Variants in LANCL3 observed in about 807,000 individuals in gnomAD.
The protein encoded by LANCL3 is LanC like family member 3, also known as lanC-like protein 3.
A neutral mutation model predicts 26.5 loss-of-function variants in LANCL3; 19 were observed. That is an observed-to-expected ratio of 0.72 (90% CI 0.50 to 1.05). The LOEUF (loss-of-function observed/expected upper bound fraction) is 1.05, where lower values mean the gene tolerates loss of function less well. Among genes scored for constraint, LANCL3 ranks in the 50% least tolerant of loss-of-function variants. The pLI, the probability that LANCL3 is intolerant of heterozygous loss-of-function variation, is 0.00. For missense variants in LANCL3, 318 were observed against 362.7 expected (o/e 0.88, Z 1.00); for synonymous variants, 160 against 166.6 (o/e 0.96, Z 0.30).
intron 1 of LANCL3, among the ~76,000 whole-genome samples, chrX:37,633,953 C>T (rs1403315744): frequency 8.9e-6 from 1 of 112,326 alleles, no homozygotes; most frequent in Admixed American, 9.3e-5. Context: ...AACCACTGCT[C>T]TCTTCAAAGC....
intron 1 of LANCL3, among the ~76,000 whole-genome samples, chrX:37,652,150 A>T (rs1376658086): frequency 2.7e-5 from 3 of 110,569 alleles, no homozygotes; most frequent in Non-Finnish European, 5.7e-5. Context: ...GTCAGTGCTG[A>T]TGGGGGAGGG....
chrX:37,620,051 G>T (rs1461739269), intron 1 of LANCL3, among the ~76,000 whole-genome samples: 6 of 111,594 alleles, frequency 5.4e-5, no homozygotes, highest in Non-Finnish European at 1.1e-4. Context: ...TAATTTTTTT[G>T]GAAAAATGTA....
chrX:37,616,224 A>G (rs1038153660), intron 1 of LANCL3, among the ~76,000 whole-genome samples: 14 of 109,864 alleles, frequency 1.3e-4, no homozygotes, highest in Middle Eastern at 4.7e-3. Flanking sequence ...TTTTCCAACC[A>G]GATAATGCAT....
intron 1 of LANCL3, among the ~76,000 whole-genome samples, chrX:37,588,285 G>T (rs1439484768): frequency 2.2e-4 from 25 of 111,514 alleles, no homozygotes; most frequent in African/African-American, 7.5e-4. Flanking sequence ...TCCCCACATG[G>T]TAATGGTCTC....
At chrX:37,617,906 G>C (rs1443389610) in intron 1 of LANCL3, among the ~76,000 whole-genome samples, 1 of 111,800 alleles carries the variant, frequency 8.9e-6, no homozygotes, top group African/African-American at 3.3e-5. Flanking sequence ...AAAAAAATCT[G>C]TGGAACCTTT....
chrX:37,590,516 TAC>T (rs1924242262), intron 1 of LANCL3, among the ~76,000 whole-genome samples: 1 of 112,794 alleles, frequency 8.9e-6, no homozygotes. Context: ...CTGTCAGTTT[TAC>T]AAACTTAAAT....
rs200578896 is a variant in LANCL3 at position 37,668,257 on chromosome X, C to CTATATATATATA, written c.1103+776_1103+787dup. On this transcript the variant is annotated intron_variant, in intron 4 of 4. Coordinates refer to ENST00000378619, the MANE Select transcript of LANCL3 (RefSeq NM_001170331.2). The stretch of plus-strand genomic sequence containing the variant: ...AATTTCTAGAAATGAAATTGCTGGA[C>CTATATATATATA]TATATATATATATATATATCCTAGT... The CTATATATATATA allele has an allele frequency of 6.3e-3, 858 of 136,457 alleles. 9 individuals are homozygous for CTATATATATATA. Among genetic ancestry groups the CTATATATATATA allele is most frequent in the African/African-American group, 0.031 (810 of 26,259 alleles). The allele number at this position is 136,457 out of a possible 1,213,427, so 11.2% of individuals were successfully genotyped here. A position where few individuals can be genotyped will look rare whatever the true frequency, so the allele number is the denominator to read the frequency against.
intron 1 of LANCL3, among the ~76,000 whole-genome samples, chrX:37,573,685 A>C (rs1923663878): frequency 8.9e-6 from 1 of 112,264 alleles, no homozygotes; most frequent in Non-Finnish European, 1.9e-5. Flanking sequence ...AGAGATATTT[A>C]CATATCATTT....
chrX:37,633,271 T>G (rs1399520058), intron 1 of LANCL3, among the ~76,000 whole-genome samples: 2 of 111,623 alleles, frequency 1.8e-5, no homozygotes, highest in East Asian at 5.6e-4. Context: ...GCTTCTGCAT[T>G]CTTCACTTAG....
At chrX:37,639,247 A>AGG (rs1556425669) in intron 1 of LANCL3, among the ~76,000 whole-genome samples, 3 of 101,980 alleles carry the variant, frequency 2.9e-5, no homozygotes, top group African/African-American at 7.1e-5. Context: ...CTACATACAT[A>AGG]TACACACATA....
intron 2 of LANCL3, among the ~76,000 whole-genome samples, chrX:37,656,064 T>C (rs1279911232): frequency 8.9e-6 from 1 of 112,071 alleles, no homozygotes; most frequent in Non-Finnish European, 1.9e-5. Flanking sequence ...ATCTTTATTC[T>C]AGATTGTAAG....
At chrX:37,593,269 G>A (rs1224447360) in intron 1 of LANCL3, among the ~76,000 whole-genome samples, 1 of 110,902 alleles carries the variant, frequency 9.0e-6, no homozygotes, top group Non-Finnish European at 1.9e-5. Context: ...TAATACCAAA[G>A]GGAGAAAAAG....
At chrX:37,589,004 G>A (rs1924192686) in intron 1 of LANCL3, among the ~76,000 whole-genome samples, 1 of 111,780 alleles carries the variant, frequency 8.9e-6, no homozygotes, top group Non-Finnish European at 1.9e-5. Flanking sequence ...GGTACCAGCT[G>A]AATCTCCACT....
At chrX:37,597,327 G>A (rs782574510) in intron 1 of LANCL3, among the ~76,000 whole-genome samples, 21 of 112,130 alleles carry the variant, frequency 1.9e-4, no homozygotes, top group African/African-American at 6.8e-4. Flanking sequence ...TTGTGTACAG[G>A]TTTTTATGTG....
At position 37,633,809 on chromosome X, in the gene LANCL3, C is replaced by T. The variant is rs184993030; in HGVS notation, c.574-21879C>T. Among the ~76,000 whole-genome samples the T allele has an allele frequency of 8.9e-3, 990 of 111,465 alleles. 10 individuals carry two copies. The highest frequency in any genetic ancestry group is 0.03 in the African/African-American group (927 of 30,592). On this transcript the variant is annotated intron_variant, in intron 1 of 4. Coordinates refer to ENST00000378619, the MANE Select transcript of LANCL3 (RefSeq NM_001170331.2). Reference sequence around the variant, plus strand: ...CTGGAAGTTTTGTCTCAGAGGCGTACCCGGCCATGTGAGAAGTCAGTCTGC... The same window carrying T: ...CTGGAAGTTTTGTCTCAGAGGCGTATCCGGCCATGTGAGAAGTCAGTCTGC...
At chrX:37,610,575 T>C (rs1477482030) in intron 1 of LANCL3, among the ~76,000 whole-genome samples, 6 of 111,739 alleles carry the variant, frequency 5.4e-5, no homozygotes, top group Non-Finnish European at 1.1e-4. Context: ...TGCCCGTAGA[T>C]AGAATGCTTG....
intron 1 of LANCL3, among the ~76,000 whole-genome samples, chrX:37,646,400 T>A (rs1159670246): frequency 7.1e-5 from 8 of 112,387 alleles, no homozygotes; most frequent in African/African-American, 2.6e-4. Context: ...ATACCTTAAG[T>A]AAATCTTTAT....
rs1926868649 is a variant in LANCL3 at position 37,678,662 on chromosome X, C to T, written c.*2849C>T. ...TTATACATTTTTATTTTGCCCAAGC[C>T]TGTTTCAGTCATCAGTTTGTAGTCT... On this transcript the variant is annotated 3_prime_UTR_variant, in exon 5 of 5. Coordinates refer to ENST00000378619, the MANE Select transcript of LANCL3 (RefSeq NM_001170331.2). The T allele has an allele frequency of 9.0e-6, 1 of 111,506 alleles. No homozygotes were observed. Among genetic ancestry groups the T allele is most frequent in the African/African-American group, 3.3e-5 (1 of 30,657 alleles). The allele number at this position is 111,506 out of a possible 1,213,427, so 9.2% of individuals were successfully genotyped here.
At chrX:37,668,266 TATATATATATCCTAGTTATATATATAA>T (rs1465227418) in intron 4 of LANCL3, 12 of 156,273 alleles carry the variant, frequency 7.7e-5, no homozygotes, top group Admixed American at 6.3e-4. Flanking sequence ...ACTATATATA[TATATATATATCCTAGTTATATATATAA>T]ATATATATAT....
Sources: gnomAD v4.1 joint callset for allele counts (sites outside exome capture counted in the v4.1 genomes callset) on GRCh38, gnomAD v4.1.1 for gene constraint, MANE v1.5 for transcripts, NCBI Gene and HGNC (gene_info 2026-07-23, HGNC 2026-07-21) for gene names.